Variants in SF3B3 observed in about 807,000 individuals in gnomAD.
SF3B3 encodes the protein SAP 130.
Under a neutral mutation model 139.2 loss-of-function variants are expected in SF3B3, and 33 were observed. That is an observed-to-expected ratio of 0.24 (90% CI 0.18 to 0.32). SF3B3 has a LOEUF of 0.32. Among genes scored for constraint, SF3B3 ranks in the 10% least tolerant of loss-of-function variants. SF3B3 has a pLI of 1.00. For synonymous variants in SF3B3, 596 were observed against 563.6 expected, an observed-to-expected ratio of 1.06 and a Z score of -0.81; for missense variants, 818 against 1,509.4, an observed-to-expected ratio of 0.54 and a Z score of 7.59.
rs2050578810 is a variant in SF3B3, at chr16:70,576,211, A to T, written c.*4398A>T. On this transcript the variant is annotated 3_prime_UTR_variant, in exon 26 of 26. Transcript: ENST00000302516. ...CTTGTTCAAAATGAAGAAAAAAAAT[A>T]TCAAAGAAAACCAGGTTTGGAAGTT... The T allele has an allele frequency of 6.6e-6, 1 of 152,234 alleles. No individual in the cohort carries two copies. The highest frequency in any genetic ancestry group is 2.4e-5 in the African/African-American group (1 of 41,448). 9.4% of individuals were successfully genotyped at this position (152,234 alleles called of 1,614,324 possible).
intron 1 of SF3B3, among the ~76,000 whole-genome samples, chr16:70,526,356 C>G (rs1200767242): frequency 6.6e-6 from 1 of 152,028 alleles, no homozygotes; most frequent in East Asian, 1.9e-4. Flanking sequence ...TACAGGCGCA[C>G]AGCACCATGC....
chr16:70,546,225 C>T (rs374193444), intron 10 of SF3B3, among the ~76,000 whole-genome samples: 2 of 152,186 alleles, frequency 1.3e-5, no homozygotes, highest in African/African-American at 4.8e-5. Context: ...CCCACTTCAC[C>T]CTCCCAAAGT....
intron 18 of SF3B3, 84 bp downstream of exon 18, chr16:70,564,134 G>A (rs2050454214): frequency 7.1e-7 from 1 of 1,412,852 alleles, no homozygotes; most frequent in Admixed American, 2.0e-5. Flanking sequence ...ACTTTGGGAG[G>A]CTGAGGTGGG....
At chr16:70,548,990 A>G (rs1168678154) in intron 11 of SF3B3, among the ~76,000 whole-genome samples, 1 of 152,222 alleles carries the variant, frequency 6.6e-6, no homozygotes, top group Non-Finnish European at 1.5e-5. Context: ...GAGCTCCTGG[A>G]TATAAATGGT....
intron 16 of SF3B3, 49 bp from the exon 17 acceptor site, chr16:70,561,581 G>T (rs1332243705): frequency 6.4e-7 from 1 of 1,570,120 alleles, no homozygotes; most frequent in African/African-American, 1.4e-5. Context: ...TACCATATTT[G>T]TATTTTTTCC....
rs545427994 is a variant in SF3B3 at position 70,526,593 on chromosome 16, T to G, written c.-64T>G. 8.6e-4 allele frequency: 963 copies of G among 1,122,694 alleles called. 1 individual carries two copies. The highest frequency in any genetic ancestry group is 1.0e-3 in the Non-Finnish European group (795 of 757,548). The allele number at this position is 1,122,694 out of a possible 1,614,324, so 69.5% of individuals were successfully genotyped here. Reference sequence around the variant, plus strand: ...CTGTTTTCTGTTTTCTTAGCTTTCTTGGACTCCGTACTGTTGGTGTAACCA... The same window carrying G: ...CTGTTTTCTGTTTTCTTAGCTTTCTGGGACTCCGTACTGTTGGTGTAACCA... On this transcript the variant is annotated 5_prime_UTR_variant, in exon 2 of 26. Transcript: ENST00000302516.
chr16:70,547,521 A>C (rs2050279945), intron 10 of SF3B3, among the ~76,000 whole-genome samples: 2 of 152,156 alleles, frequency 1.3e-5, no homozygotes, highest in African/African-American at 4.8e-5. Context: ...AGAATCATTC[A>C]CTCTTGACTT....
Position 70,528,927 on chromosome 16 carries a change from G to A in SF3B3, c.125G>A (p.Arg42His). ...VSRGKILELL[R>H]PDPNTGKVHT... is the part of the protein sequence containing the mutation. ...CGTGGGAAGATCTTGGAGCTGCTTCGCCCAGACCCCAACACTGGCAAAGTA... is the reference window on the plus strand; with the variant it reads ...CGTGGGAAGATCTTGGAGCTGCTTCACCCAGACCCCAACACTGGCAAAGTA... Residue 42 changes from arginine (R) to histidine (H), a missense_variant, in exon 3 of 26, where the codon CGC becomes CAC. Coordinates refer to ENST00000302516, the MANE Select transcript of SF3B3 (RefSeq NM_012426.5). 3 of 1,613,946 alleles carry A rather than the reference G, an allele frequency of 1.9e-6. No homozygotes were observed. The highest frequency in any genetic ancestry group is 2.5e-6 in the Non-Finnish European group (3 of 1,179,932).
Position 70,572,334 on chromosome 16 carries a change from G to T in SF3B3, c.*521G>T. 1 of 265,398 alleles carries T rather than the reference G, an allele frequency of 3.8e-6. No homozygotes were observed. Among genetic ancestry groups the T allele is most frequent in the Non-Finnish European group, 7.5e-6 (1 of 133,370 alleles). The allele number at this position is 265,398 out of a possible 1,614,324, so 16.4% of individuals were successfully genotyped here. A position where few individuals can be genotyped will look rare whatever the true frequency, so the allele number is the denominator to read the frequency against. On this transcript the variant is annotated 3_prime_UTR_variant, in exon 26 of 26. Coordinates refer to ENST00000302516, the MANE Select transcript of SF3B3 (RefSeq NM_012426.5). Reference sequence around the variant, plus strand: ...TGTGTCTTGTTCTGGAGATGAGGATGTAGGTGGGAGGTTTGAACCCAAGTT... The same window carrying T: ...TGTGTCTTGTTCTGGAGATGAGGATTTAGGTGGGAGGTTTGAACCCAAGTT...
In SF3B3 at chr16:70,544,856, T is replaced by C. The variant is rs552251828; in HGVS notation, c.1329+323T>C. 1.8e-4 allele frequency among the ~76,000 whole-genome samples: 28 copies of C among 152,078 alleles called. No individual in the cohort carries two copies. In the East Asian group the frequency reaches 5.4e-3, roughly 30 times the overall value. ...GGTGTAAGCCACTGTGCCCAGCCTGTGCTTTTTTCTATTCCTCAACTTGTT... is the reference window on the plus strand; with the variant it reads ...GGTGTAAGCCACTGTGCCCAGCCTGCGCTTTTTTCTATTCCTCAACTTGTT... On this transcript the variant is annotated intron_variant, in intron 10 of 25. Coordinates refer to ENST00000302516, the MANE Select transcript of SF3B3 (RefSeq NM_012426.5).
In SF3B3 at chr16:70,565,143, C is replaced by A; in HGVS notation, c.2542C>A (p.Pro848Thr). 1 of 1,614,160 alleles carries A rather than the reference C, an allele frequency of 6.2e-7. No individual in the cohort carries two copies. The highest frequency in any genetic ancestry group is 1.1e-5 in the South Asian group (1 of 91,078). The change falls in exon 19 of 26, where the codon CCT becomes ACT. Residue 848 changes from proline (P) to threonine (T), a missense_variant. Transcript: ENST00000302516. ...AGCAGCATTCCTCAATGAAAACCTC[C>A]CTGAATCCATCTTTGGAGCTCCCAA... ...MAAAFLNENL[P>T]ESIFGAPKAG... is the part of the protein sequence containing the mutation.
intron 19 of SF3B3, 29 bp from the exon 20 acceptor site, chr16:70,565,339 C>G (rs1275768536): frequency 1.2e-6 from 2 of 1,613,782 alleles, no homozygotes; most frequent in Non-Finnish European, 1.7e-6. Context: ...TGACTAAGGC[C>G]TTACTCTTGC....
intron 2 of SF3B3, 121 bp downstream of exon 2, chr16:70,526,847 T>C: frequency 1.4e-6 from 1 of 701,774 alleles, no homozygotes; most frequent in Admixed American, 2.6e-5. Flanking sequence ...ATGTAAACAA[T>C]TCAAATTATG....
intron 10 of SF3B3, among the ~76,000 whole-genome samples, chr16:70,546,844 G>A (rs866377569): frequency 3.3e-5 from 5 of 152,028 alleles, no homozygotes; most frequent in Non-Finnish European, 4.4e-5. Flanking sequence ...TGGCTAACAC[G>A]GTGAAACCCC....
intron 11 of SF3B3, among the ~76,000 whole-genome samples, chr16:70,553,524 T>C (rs896493087): frequency 1.3e-5 from 2 of 152,184 alleles, no homozygotes; most frequent in African/African-American, 4.8e-5. Context: ...AAACAAAAAT[T>C]CAAATGTAAA....
At chr16:70,535,849 C>T (rs1042765202) in intron 6 of SF3B3, among the ~76,000 whole-genome samples, 1 of 151,094 alleles carries the variant, frequency 6.6e-6, no homozygotes, top group Non-Finnish European at 1.5e-5. Flanking sequence ...TAGATTAATC[C>T]GTTATTAATA....
chr16:70,535,290 T>G lies in SF3B3; in HGVS notation c.713-18T>G, dbSNP rs2151778530. 7.2e-7 allele frequency: 1 copy of G among 1,384,848 alleles called. No individual in the cohort carries two copies. The highest frequency in any genetic ancestry group is 1.3e-5 in the South Asian group (1 of 76,632). The allele number at this position is 1,384,848 out of a possible 1,614,324, so 85.8% of individuals were successfully genotyped here. On this transcript the variant is annotated intron_variant, in intron 5 of 25. Transcript: ENST00000302516. ...TGTCTGAGTCAAAGTCACTGCTAAG[T>G]TTTATTTTCTCTCACAGTTCCAGGA...
intron 1 of SF3B3, 30 bp from the exon 2 acceptor site, chr16:70,526,557 C>A: frequency 1.3e-6 from 1 of 760,780 alleles, no homozygotes; most frequent in Non-Finnish European, 2.2e-6. Flanking sequence ...AATAGTCTCC[C>A]AGCTATTTTT....
At chr16:70,550,799 G>A in intron 11 of SF3B3, 1 of 274,862 alleles carries the variant, frequency 3.6e-6, no homozygotes, top group Non-Finnish European at 5.6e-6. Flanking sequence ...GCAGTTGGAT[G>A]TCACTGGGCA....
Sources: gnomAD v4.1 joint callset for allele counts (sites outside exome capture counted in the v4.1 genomes callset) on GRCh38, gnomAD v4.1.1 for gene constraint, MANE v1.5 for transcripts, NCBI Gene and HGNC (gene_info 2026-07-23, HGNC 2026-07-21) for gene names.